Variants in ERI3 observed in about 807,000 individuals in gnomAD.
ERI3 encodes the protein ERI1 exoribonuclease family member 3.
In ERI3, 18 loss-of-function variants were observed where a neutral mutation model predicts 44.4. The ratio of observed to expected loss-of-function variants is 0.41; its 90% CI spans 0.28 to 0.60. The LOEUF is 0.60. Among genes scored for constraint, ERI3 ranks in the 20% least tolerant of loss-of-function variants. The pLI is 0.36. For missense variants in ERI3, 294 were observed against 435.5 expected (o/e 0.68, Z 2.89); for synonymous variants, 183 against 164.8 (o/e 1.11, Z -0.84).
In ERI3 at chr1:44,221,306, G is replaced by A; in HGVS notation, c.*252C>T. On this transcript the variant is annotated 3_prime_UTR_variant, in exon 9 of 9. Coordinates refer to ENST00000372257, the MANE Select transcript of ERI3 (RefSeq NM_024066.3). The surrounding 1 kb of genome is among the most constrained non-coding windows in gnomAD (Gnocchi z 5.9). ...GGTCCCCCTAGCCCAGGCCCGCAAT[G>A]GGAGGGGCTGATACTGGGCTGAGAT... The A allele has an allele frequency of 5.8e-6, 3 of 521,334 alleles. No homozygotes were observed. Among genetic ancestry groups the A allele is most frequent in the Non-Finnish European group, 1.0e-5 (3 of 289,892 alleles). The allele number at this position is 521,334 out of a possible 1,614,324, so 32.3% of individuals were successfully genotyped here. A position where few individuals can be genotyped will look rare whatever the true frequency, so the allele number is the denominator to read the frequency against.
chr1:44,328,894 G>A (rs78407062), intron 3 of ERI3, among the ~76,000 whole-genome samples: 21 of 152,260 alleles, frequency 1.4e-4, no homozygotes, highest in African/African-American at 5.1e-4. Flanking sequence ...CTTATCACCA[G>A]ACATTTCATC....
In ERI3 at chr1:44,228,969, G is replaced by A. The variant is rs577240663; in HGVS notation, c.932-7329C>T. Among the ~76,000 whole-genome samples the A allele has an allele frequency of 1.3e-5, 2 of 152,308 alleles. No individual in the cohort carries two copies. Among genetic ancestry groups the A allele is most frequent in the East Asian group, 3.9e-4 (2 of 5,184 alleles). On this transcript the variant is annotated intron_variant, in intron 8 of 8. Transcript: ENST00000372257. This position sits in a 1 kb window ranked among gnomAD's most constrained non-coding sequence, Gnocchi z 4.3. ...AATACAGAATGAGGACAGAAACCAC[G>A]TTGGGCAGCCAGGGAGGTCCACAAG... is the stretch of plus-strand genomic sequence containing the variant.
chr1:44,262,335 G>T (rs919071051), intron 7 of ERI3, among the ~76,000 whole-genome samples: 4 of 152,202 alleles, frequency 2.6e-5, no homozygotes, highest in Non-Finnish European at 5.9e-5. Flanking sequence ...TCTCGCAGGA[G>T]AATTCAATTA....
At chr1:44,299,964 A>T (rs1450166045) in intron 6 of ERI3, among the ~76,000 whole-genome samples, 1 of 152,136 alleles carries the variant, frequency 6.6e-6, no homozygotes, top group Non-Finnish European at 1.5e-5. Flanking sequence ...CTGACAAACC[A>T]GGCAGAGACC....
chr1:44,230,665 T>G (rs888286235), intron 8 of ERI3, among the ~76,000 whole-genome samples: 3 of 152,250 alleles, frequency 2.0e-5, no homozygotes, highest in African/African-American at 7.2e-5. Flanking sequence ...GCAGACTATC[T>G]GGAGACTTTC....
intron 3 of ERI3, chr1:44,322,756 C>G (rs1386132584): frequency 6.5e-7 from 1 of 1,549,922 alleles, no homozygotes. Context: ...TACTTCCATA[C>G]TTCCCAGAAC....
intron 6 of ERI3, among the ~76,000 whole-genome samples, chr1:44,296,002 T>C (rs922825796): frequency 2.0e-5 from 3 of 152,130 alleles, no homozygotes; most frequent in Non-Finnish European, 4.4e-5. Context: ...TGGGCCTCCT[T>C]CTCCAGCTAG....
In ERI3 at chr1:44,281,300, T is replaced by C. The variant is rs545460527; in HGVS notation, c.831+3535A>G. Among the ~76,000 whole-genome samples the C allele has an allele frequency of 2.0e-5, 3 of 152,222 alleles. No homozygotes were observed. The East Asian group carries it at 5.8e-4, about 29-fold the overall frequency. Reference sequence around the variant, plus strand: ...ACACAGAAGGCATTCAAAATATTTGTTTATTGGCCAGGCACAGTGGTTAAT... The same window carrying C: ...ACACAGAAGGCATTCAAAATATTTGCTTATTGGCCAGGCACAGTGGTTAAT... On this transcript the variant is annotated intron_variant, in intron 7 of 8. Transcript: ENST00000372257.
intron 6 of ERI3, among the ~76,000 whole-genome samples, chr1:44,293,249 A>G (rs1346400616): frequency 1.3e-5 from 2 of 152,218 alleles, no homozygotes. Context: ...TCAAACAGGG[A>G]GGAGAGTGCA....
chr1:44,291,808 C>A (rs1342529854), intron 6 of ERI3, among the ~76,000 whole-genome samples: 1 of 152,188 alleles, frequency 6.6e-6, no homozygotes, highest in Non-Finnish European at 1.5e-5. Flanking sequence ...AGGAGCCTGG[C>A]CTTTTCCCCA....
Position 44,221,285 on chromosome 1 carries a change from C to T in ERI3, c.*273G>A. 2.1e-6 allele frequency: 1 copy of T among 473,164 alleles called. No homozygotes were observed. Among genetic ancestry groups the T allele is most frequent in the Non-Finnish European group, 3.8e-6 (1 of 261,776 alleles). The allele number at this position is 473,164 out of a possible 1,614,324, so 29.3% of individuals were successfully genotyped here. A position where few individuals can be genotyped will look rare whatever the true frequency, so the allele number is the denominator to read the frequency against. The stretch of plus-strand genomic sequence containing the variant: ...GGAGGAGGCGGTGAGTGCCTGGGTC[C>T]CCCTAGCCCAGGCCCGCAATGGGAG... On this transcript the variant is annotated 3_prime_UTR_variant, in exon 9 of 9. Transcript: ENST00000372257. The surrounding 1 kb of genome is among the most constrained non-coding windows in gnomAD (Gnocchi z 5.9).
At chr1:44,296,729 T>A (rs1257841044) in intron 6 of ERI3, among the ~76,000 whole-genome samples, 2 of 152,132 alleles carry the variant, frequency 1.3e-5, no homozygotes, top group East Asian at 1.9e-4. Flanking sequence ...ACTACCTAGG[T>A]GCTCCTTGGC....
intron 8 of ERI3, among the ~76,000 whole-genome samples, chr1:44,247,214 C>G (rs1482745202): frequency 6.6e-6 from 1 of 152,158 alleles, no homozygotes; most frequent in East Asian, 1.9e-4. Context: ...GAGTCTGACA[C>G]AGAGACATAC....
chr1:44,241,704 C>A lies in ERI3; in HGVS notation c.931+6235G>T, dbSNP rs1403474525. Among the ~76,000 whole-genome samples, 2 of 152,094 alleles carry A rather than the reference C, an allele frequency of 1.3e-5. No individual in the cohort carries two copies. Among genetic ancestry groups the A allele is most frequent in the African/African-American group, 4.8e-5 (2 of 41,386 alleles). On this transcript the variant is annotated intron_variant, in intron 8 of 8. Transcript: ENST00000372257. The surrounding 1 kb of genome is among the most constrained non-coding windows in gnomAD (Gnocchi z 5.6). ...GTCATTTAAGTCTGCGATGGTTTGA[C>A]AGGAGATACAGAGAGAGACAAGGGG...
chr1:44,321,305 TGA>T (rs1646197972), intron 3 of ERI3, among the ~76,000 whole-genome samples: 1 of 152,116 alleles, frequency 6.6e-6, no homozygotes, highest in African/African-American at 2.4e-5. Flanking sequence ...ATGAGGAAGC[TGA>T]CAGGAGCTTA....
At chr1:44,296,854 T>C (rs1159794576) in intron 6 of ERI3, among the ~76,000 whole-genome samples, 1 of 152,106 alleles carries the variant, frequency 6.6e-6, no homozygotes, top group Non-Finnish European at 1.5e-5. Context: ...GAAAGTCAGA[T>C]ATTGCAGAAA....
At position 44,311,918 on chromosome 1, in the gene ERI3, T is replaced by C. The variant is rs530418715; in HGVS notation, c.666+1251A>G. On this transcript the variant is annotated intron_variant, in intron 5 of 8. Coordinates refer to ENST00000372257, the MANE Select transcript of ERI3 (RefSeq NM_024066.3). ...GAATCTCTTCAAAAAAAAAAGATGG[T>C]CAATATGGCTGGGAAGCATCTCAGA... is the stretch of plus-strand genomic sequence containing the variant. 2.6e-5 allele frequency among the ~76,000 whole-genome samples: 4 copies of C among 150,980 alleles called. No individual in the cohort carries two copies. In the South Asian group the frequency reaches 6.2e-4, roughly 24 times the overall value.
At chr1:44,341,064 C>T (rs4660789) in intron 2 of ERI3, among the ~76,000 whole-genome samples, 7,191 of 152,264 alleles carry the variant, frequency 0.047, 194 homozygotes, top group African/African-American at 0.065. Flanking sequence ...TTCTGAAAGT[C>T]CTAATGTTCT....
At chr1:44,289,430 C>T (rs1645458555) in intron 6 of ERI3, among the ~76,000 whole-genome samples, 1 of 152,240 alleles carries the variant, frequency 6.6e-6, no homozygotes, top group Non-Finnish European at 1.5e-5. Flanking sequence ...CCCTCAGACC[C>T]TAACTAGCTC....
Sources: allele counts gnomAD v4.1 joint callset (sites outside exome capture counted in the v4.1 genomes callset), GRCh38; gene constraint gnomAD v4.1.1; non-coding constraint Gnocchi (gnomAD v3.1); transcripts MANE v1.5; gene names NCBI Gene and HGNC (gene_info 2026-07-23, HGNC 2026-07-21).